Variants in KAT6A observed in about 807,000 individuals in gnomAD.
The protein encoded by KAT6A is histone acetyltransferase KAT6A.
A neutral mutation model predicts 198.4 loss-of-function variants in KAT6A; 9 were observed. That is an observed-to-expected ratio of 0.05 (90% CI 0.03 to 0.08). The LOEUF is 0.08. Ranked by LOEUF, KAT6A falls within the 10% of genes least tolerant of loss-of-function variation. The pLI is 1.00. For synonymous variants in KAT6A, 890 were observed against 883.0 expected, an observed-to-expected ratio of 1.01 and a Z score of -0.14; for missense variants, 2,077 against 2,509.9, an observed-to-expected ratio of 0.83 and a Z score of 3.69.
At chr8:41,965,109 G>T (rs1489580069) in intron 8 of KAT6A, among the ~76,000 whole-genome samples, 2 of 152,172 alleles carry the variant, frequency 1.3e-5, no homozygotes, top group Non-Finnish European at 2.9e-5. Context: ...TAAAGGTGTT[G>T]TAAGACAGGC....
chr8:42,014,947 AT>A (rs1826201788), intron 2 of KAT6A, among the ~76,000 whole-genome samples: 2 of 152,190 alleles, frequency 1.3e-5, no homozygotes, highest in Non-Finnish European at 2.9e-5. Flanking sequence ...GAAAGGATAG[AT>A]TATGGGTTCA....
Position 41,978,742 on chromosome 8 carries a change from T to G in KAT6A, c.943A>C (p.Lys315Gln). Residue 315 changes from lysine to glutamine, a missense_variant, in exon 6 of 17, where the codon AAA (lysine) becomes CAA (glutamine). Lys to Gln is a moderately conservative substitution (Grantham distance 53). This residue lies in a region of KAT6A where 89 missense variants were observed against 154.4 expected (regional missense o/e 0.58). Coordinates refer to ENST00000265713, the MANE Select transcript of KAT6A (RefSeq NM_006766.5). ...TTCTTTTGTAGAAGTTTTCGTCCTT[T>G]TTTCCTAGGTCGACATATTTGACAT... is the stretch of plus-strand genomic sequence containing the variant. ...WICQICRPRK[K>Q]GRKLLQKKAA... 1.2e-6 allele frequency: 2 copies of G among 1,613,988 alleles called. No homozygotes were observed. The highest frequency in any genetic ancestry group is 1.7e-6 in the Non-Finnish European group (2 of 1,179,918).
At chr8:41,942,223 T>G (rs1333803878) in intron 14 of KAT6A, 1 of 217,160 alleles carries the variant, frequency 4.6e-6, no homozygotes, top group East Asian at 7.0e-5. Context: ...GTCCACAGGA[T>G]GTTTTGGTGC....
At chr8:41,935,645 T>C (rs779200060) in intron 16 of KAT6A, among the ~76,000 whole-genome samples, 2 of 152,112 alleles carry the variant, frequency 1.3e-5, no homozygotes, top group Non-Finnish European at 2.9e-5. Flanking sequence ...TTAAGTACAC[T>C]CACATTGCCT....
At chr8:42,045,837 T>TAAA (rs1802249312) in intron 2 of KAT6A, among the ~76,000 whole-genome samples, 5 of 141,700 alleles carry the variant, frequency 3.5e-5, no homozygotes, top group East Asian at 4.2e-4. Flanking sequence ...AAAAAAAAAG[T>TAAA]AGCCACACGT....
intron 2 of KAT6A, among the ~76,000 whole-genome samples, chr8:42,007,043 C>T (rs530911593): frequency 6.8e-6 from 1 of 148,018 alleles, no homozygotes; most frequent in South Asian, 2.2e-4. Flanking sequence ...AATCTAAAAC[C>T]AAAAATGCCT....
At chr8:42,021,692 A>C (rs2150915637) in intron 2 of KAT6A, among the ~76,000 whole-genome samples, 1 of 152,312 alleles carries the variant, frequency 6.6e-6, no homozygotes, top group South Asian at 2.1e-4. Context: ...GCACTTTGGG[A>C]GGCCAAGGCA....
At chr8:42,008,901 A>C (rs558059039) in intron 2 of KAT6A, among the ~76,000 whole-genome samples, 1 of 152,316 alleles carries the variant, frequency 6.6e-6, no homozygotes, top group African/African-American at 2.4e-5. Flanking sequence ...GACATTTTAA[A>C]ATTGTAATTT....
chr8:42,006,019 C>A (rs1395276958), intron 2 of KAT6A, among the ~76,000 whole-genome samples: 2 of 152,200 alleles, frequency 1.3e-5, no homozygotes, highest in Admixed American at 6.5e-5. Flanking sequence ...TCCCTGACAA[C>A]TACAAGCATA....
rs149828771 is a variant in KAT6A at position 41,941,278 on chromosome 8, C to G, written c.2603G>C (p.Trp868Ser). The G allele has an allele frequency of 1.2e-6, 2 of 1,614,066 alleles. No individual in the cohort carries two copies. Among genetic ancestry groups the G allele is most frequent in the Non-Finnish European group, 1.7e-6 (2 of 1,180,026 alleles). ...CTGGGTTTTTCTGTTCTTCCTCCCC[C>G]AGCGGCCCCTCCGAGATGGCTGGCT... The part of the protein sequence containing the change: ...ANSQPSRRGR[W>S]GRKNRKTQER... Residue 868 changes from tryptophan (W) to serine (S), a missense_variant, in exon 15 of 17, where the codon TGG becomes TCG. Trp to Ser is a radical substitution (Grantham distance 177, BLOSUM62 -3). Coordinates refer to ENST00000265713, the MANE Select transcript of KAT6A (RefSeq NM_006766.5).
chr8:41,960,763 G>A (rs1422392127), intron 8 of KAT6A, among the ~76,000 whole-genome samples: 1 of 151,850 alleles, frequency 6.6e-6, no homozygotes, highest in Non-Finnish European at 1.5e-5. Context: ...TTTCCATCCG[G>A]AGGACCCATA....
chr8:42,048,431 C>T lies in KAT6A; in HGVS notation c.547G>A (p.Glu183Lys). The T allele has an allele frequency of 6.2e-7, 1 of 1,612,678 alleles. No homozygotes were observed. The highest frequency in any genetic ancestry group is 8.5e-7 in the Non-Finnish European group (1 of 1,178,694). Residue 183 changes from glutamate to lysine, a missense_variant, in exon 2 of 17, where the codon GAG (glutamate) becomes AAG (lysine). Physicochemically the swap from Glu to Lys is moderately conservative, Grantham distance 56 (BLOSUM62 1). This residue lies in a region of KAT6A where 185 missense variants were observed against 185.7 expected (regional missense o/e 1.00). Transcript: ENST00000265713. Reference protein sequence around the residue: ...ATNVDGKESCESLSCLPPVSL... With the variant: ...ATNVDGKESCKSLSCLPPVSL... ...ACTGGAGGTAAACAGGAAAGAGACT[C>T]ACAACTCTCTTTCCCATCCACGTTG...
intron 4 of KAT6A, among the ~76,000 whole-genome samples, chr8:41,981,358 T>C (rs1455986522): frequency 5.9e-5 from 9 of 152,154 alleles, no homozygotes; most frequent in Non-Finnish European, 1.5e-5. Flanking sequence ...GACCATAATA[T>C]TAAAAGTTTC....
chr8:42,001,394 G>A (rs973568577), intron 2 of KAT6A, among the ~76,000 whole-genome samples: 54 of 152,262 alleles, frequency 3.5e-4, no homozygotes, highest in African/African-American at 1.3e-3. Flanking sequence ...GCATTGAGAG[G>A]GTCAAGAAAG....
intron 15 of KAT6A, among the ~76,000 whole-genome samples, chr8:41,937,821 T>A (rs1473312316): frequency 6.6e-6 from 1 of 152,240 alleles, no homozygotes; most frequent in East Asian, 1.9e-4. Flanking sequence ...GACATTATAA[T>A]TCTCTTAATA....
At chr8:41,953,124 T>C (rs1010142605) in intron 9 of KAT6A, among the ~76,000 whole-genome samples, 7 of 152,226 alleles carry the variant, frequency 4.6e-5, no homozygotes, top group Non-Finnish European at 1.5e-5. Flanking sequence ...CTGTTTCTAA[T>C]GAAAATCTCA....
At chr8:41,986,599 T>C (rs1824617444) in intron 3 of KAT6A, among the ~76,000 whole-genome samples, 1 of 152,004 alleles carries the variant, frequency 6.6e-6, no homozygotes, top group Non-Finnish European at 1.5e-5. Context: ...AAAAAAAAAC[T>C]AAGACCTGAT....
At chr8:42,032,103 G>A (rs1300067010) in intron 2 of KAT6A, among the ~76,000 whole-genome samples, 1 of 152,070 alleles carries the variant, frequency 6.6e-6, no homozygotes, top group Non-Finnish European at 1.5e-5. Context: ...CTAATTTTCT[G>A]TATTTTTAGT....
intron 2 of KAT6A, among the ~76,000 whole-genome samples, chr8:42,003,776 TAA>T (rs765286377): frequency 4.8e-4 from 73 of 152,100 alleles, no homozygotes; most frequent in Non-Finnish European, 9.4e-4. Context: ...AAATAGATCA[TAA>T]AGCTGGGGCC....
Sources: allele counts gnomAD v4.1 joint callset (sites outside exome capture counted in the v4.1 genomes callset), GRCh38; gene constraint gnomAD v4.1.1; regional missense constraint gnomAD v4.1.1; transcripts MANE v1.5; gene names NCBI Gene and HGNC (gene_info 2026-07-23, HGNC 2026-07-21).